The following CLNK variants were observed in gnomAD, a reference collection of about 807,000 sequenced individuals.
CLNK encodes the protein cytokine-dependent hematopoietic cell linker.
A neutral mutation model predicts 68.6 loss-of-function variants in CLNK; 74 were observed. That is an observed-to-expected ratio of 1.08 (90% confidence interval 0.89 to 1.31). The LOEUF is 1.31. Ranked by LOEUF, CLNK falls within the 50% of genes most tolerant of loss-of-function variation. The pLI is 0.00. For synonymous variants in CLNK, 198 were observed against 172.2 expected (o/e 1.15, Z -1.17); for missense variants, 553 against 515.3 (o/e 1.07, Z -0.71).
At chr4:10,589,306 CCTT>C (rs1485383451) in intron 3 of CLNK, among the ~76,000 whole-genome samples, 2 of 152,104 alleles carry the variant, frequency 1.3e-5, no homozygotes, top group African/African-American at 4.8e-5. Flanking sequence ...CCTCCAAATC[CCTT>C]CTTATTTACA....
At chr4:10,723,520 G>T in the CLNK span, among the ~76,000 whole-genome samples, 8 of 152,136 alleles carry the variant, frequency 5.3e-5, no homozygotes, top group Non-Finnish European at 1.2e-4. Context: ...TGGATTAAGA[G>T]AAATAACACT....
intron 4 of CLNK, among the ~76,000 whole-genome samples, chr4:10,573,712 G>A (rs549886297): frequency 2.3e-4 from 35 of 152,280 alleles, no homozygotes; most frequent in African/African-American, 8.4e-4. Context: ...CTCAAGGAGT[G>A]CGGTCATGAT....
intron 11 of CLNK, among the ~76,000 whole-genome samples, chr4:10,535,213 G>GAAAGAAAGAA (rs1390380873): frequency 5.3e-5 from 7 of 131,392 alleles, no homozygotes; most frequent in African/African-American, 1.7e-4. Context: ...AAGAAAGAAA[G>GAAAGAAAGAA]AGAAAGAAAG....
At chr4:10,677,476 T>C (rs1211034596) in intron 1 of CLNK, among the ~76,000 whole-genome samples, 1 of 152,100 alleles carries the variant, frequency 6.6e-6, no homozygotes, top group African/African-American at 2.4e-5. Flanking sequence ...GTAGTAGTAA[T>C]ATGGTTTAGC....
chr4:10,487,326 C>A lies in CLNK; in HGVS notation c.*3141G>T, dbSNP rs1281294012. ...CTGTGAGATTTTGGCCAATGAGGTA[C>A]AATTTCCTCAATTATAAAATGCATT... On this transcript the variant is annotated 3_prime_UTR_variant, in exon 19 of 19. Transcript: ENST00000226951. 6.6e-6 allele frequency: 1 copy of A among 152,178 alleles called. No homozygotes were observed. Among genetic ancestry groups the A allele is most frequent in the African/African-American group, 2.4e-5 (1 of 41,446 alleles). 9.4% of individuals were successfully genotyped at this position (152,178 alleles called of 1,614,324 possible). A position where few individuals can be genotyped will look rare whatever the true frequency, so the allele number is the denominator to read the frequency against.
intron 17 of CLNK, among the ~76,000 whole-genome samples, chr4:10,501,662 C>T (rs903485314): frequency 1.3e-5 from 2 of 152,192 alleles, no homozygotes; most frequent in Non-Finnish European, 2.9e-5. Flanking sequence ...TGCGGTGGCT[C>T]ACCCCTGTAA....
intron 2 of CLNK, among the ~76,000 whole-genome samples, chr4:10,643,591 T>C (rs1723397620): frequency 6.6e-6 from 1 of 152,234 alleles, no homozygotes; most frequent in African/African-American, 2.4e-5. Flanking sequence ...AGGCGCATAA[T>C]AACAGAGGAT....
At chr4:10,650,943 GA>G (rs1350519385) in intron 2 of CLNK, among the ~76,000 whole-genome samples, 4 of 151,978 alleles carry the variant, frequency 2.6e-5, no homozygotes, top group African/African-American at 7.3e-5. Context: ...CAACAAACAT[GA>G]AAAAAACCTC....
intron 2 of CLNK, among the ~76,000 whole-genome samples, chr4:10,649,993 C>T (rs13107947): frequency 0.45 from 67,735 of 151,852 alleles, 16,088 homozygotes; most frequent in Non-Finnish European, 0.54. Flanking sequence ...AATGTTACAG[C>T]CATATATCCA....
At chr4:10,626,599 C>T (rs562958242) in intron 2 of CLNK, among the ~76,000 whole-genome samples, 2 of 151,904 alleles carry the variant, frequency 1.3e-5, no homozygotes, top group South Asian at 2.1e-4. Flanking sequence ...AAATAAAAAT[C>T]GTATAATACA....
At position 10,508,051 on chromosome 4, in the gene CLNK, C is replaced by A; in HGVS notation, c.907-15G>T. On this transcript the variant is annotated splice_polypyrimidine_tract_variant and intron_variant, in intron 16 of 18. Coordinates refer to ENST00000226951, the MANE Select transcript of CLNK (RefSeq NM_052964.4). ...TGCTGGACATCCTGCAGAACAGAATCAATGATAAATATTTTAGGGTCAATG... is the reference window on the plus strand; with the variant it reads ...TGCTGGACATCCTGCAGAACAGAATAAATGATAAATATTTTAGGGTCAATG... 1 of 1,591,086 alleles carries A rather than the reference C, an allele frequency of 6.3e-7. No homozygotes were observed. Among genetic ancestry groups the A allele is most frequent in the Non-Finnish European group, 8.6e-7 (1 of 1,167,748 alleles).
chr4:10,622,240 C>A (rs1722485348), intron 2 of CLNK, among the ~76,000 whole-genome samples: 1 of 152,054 alleles, frequency 6.6e-6, no homozygotes, highest in Non-Finnish European at 1.5e-5. Flanking sequence ...TGATATTATT[C>A]CCATTATACT....
At chr4:10,671,932 TAA>T (rs1329099753) in intron 1 of CLNK, among the ~76,000 whole-genome samples, 3 of 152,172 alleles carry the variant, frequency 2.0e-5, no homozygotes, top group Admixed American at 1.3e-4. Context: ...TAGTCTAAGA[TAA>T]AAGTTTGCTA....
chr4:10,490,589 T>A lies in CLNK; in HGVS notation c.1165A>T (p.Ile389Phe), dbSNP rs1256668144. The A allele has an allele frequency of 5.7e-6, 9 of 1,577,246 alleles. No individual in the cohort carries two copies. The highest frequency in any genetic ancestry group is 7.8e-6 in the Non-Finnish European group (9 of 1,160,266). Residue 389 changes from isoleucine to phenylalanine, a missense_variant, in exon 19 of 19, where the codon ATC (isoleucine) becomes TTC (phenylalanine). Coordinates refer to ENST00000226951, the MANE Select transcript of CLNK (RefSeq NM_052964.4). ...ATGGGAAAATTCTTGTAGTGTTCGA[T>A]GATGTCTTCTACTGAATCAAACTTC... ...DEKFDSVEDI[I>F]EHYKNFPIIL... is the part of the protein sequence containing the mutation.
the CLNK span, among the ~76,000 whole-genome samples, chr4:10,725,312 T>C: frequency 6.6e-6 from 1 of 152,170 alleles, no homozygotes; most frequent in Non-Finnish European, 1.5e-5. Context: ...CATCTTTGCA[T>C]TATCATTTGT....
chr4:10,610,082 A>T, intron 2 of CLNK, among the ~76,000 whole-genome samples: 1 of 96,978 alleles, frequency 1.0e-5, no homozygotes, highest in Non-Finnish European at 1.8e-5. Flanking sequence ...TTTGAGACGG[A>T]GTCTCGTTCT....
chr4:10,509,502 C>A (rs1057441846), intron 16 of CLNK, among the ~76,000 whole-genome samples: 1 of 150,636 alleles, frequency 6.6e-6, no homozygotes. Flanking sequence ...TCTTTTGCAT[C>A]AAGATTGGGA....
At chr4:10,720,516 A>C in the CLNK span, among the ~76,000 whole-genome samples, 1 of 151,900 alleles carries the variant, frequency 6.6e-6, no homozygotes, top group African/African-American at 2.4e-5. Flanking sequence ...AGATAATGAA[A>C]ATTAAAAAAC....
chr4:10,625,000 G>T (rs1478712702), intron 2 of CLNK, among the ~76,000 whole-genome samples: 1 of 152,190 alleles, frequency 6.6e-6, no homozygotes, highest in Non-Finnish European at 1.5e-5. Flanking sequence ...CAGTTTCCAA[G>T]GACAAATTAC....
Sources: allele counts gnomAD v4.1 joint callset (sites outside exome capture counted in the v4.1 genomes callset), GRCh38; gene constraint gnomAD v4.1.1; transcripts MANE v1.5; gene names NCBI Gene and HGNC (gene_info 2026-07-23, HGNC 2026-07-21).